The following GEN1 variants were observed in gnomAD, a reference collection of about 807,000 sequenced individuals.
GEN1 encodes the protein GEN1 structure-specific endonuclease, also known as flap endonuclease GEN homolog 1.
In GEN1, 64 loss-of-function variants were observed where a neutral mutation model predicts 67.6. That is an observed-to-expected ratio of 0.95 (90% CI 0.77 to 1.17). GEN1 has a LOEUF of 1.17. Ranked by LOEUF, GEN1 falls within the 50% of genes most tolerant of loss-of-function variation. GEN1 has a pLI of 0.00. For synonymous variants in GEN1, 371 were observed against 359.4 expected (o/e 1.03, Z -0.37); for missense variants, 1,058 against 1,048.3 (o/e 1.01, Z -0.13).
intron 11 of GEN1, among the ~76,000 whole-genome samples, chr2:17,776,399 AGT>A (rs1481711539): frequency 6.6e-6 from 1 of 152,164 alleles, no homozygotes; most frequent in African/African-American, 2.4e-5. Flanking sequence ...AAACTTCCAG[AGT>A]GTGAAAGTTT....
In GEN1 at chr2:17,771,081, C is replaced by A. The variant is rs753512074; in HGVS notation, c.711-115C>A. 4.1e-6 allele frequency: 3 copies of A among 726,144 alleles called. No individual in the cohort carries two copies. The East Asian group carries it at 8.2e-5, about 20-fold the overall frequency. 45.0% of individuals were successfully genotyped at this position (726,144 alleles called of 1,614,324 possible). On this transcript the variant is annotated intron_variant, in intron 6 of 13. Transcript: ENST00000381254. ...CTAGGCCAGCAACTTTATCAGCCACCAAAGGGAAAATAATTAGGTAGGTGA... is the reference window on the plus strand; with the variant it reads ...CTAGGCCAGCAACTTTATCAGCCACAAAAGGGAAAATAATTAGGTAGGTGA...
chr2:17,760,138 A>T (rs755829251), intron 2 of GEN1, 34 bp downstream of exon 2: 142 of 1,574,392 alleles, frequency 9.0e-5, no homozygotes, highest in Non-Finnish European at 1.2e-4. Context: ...TAAATGTATG[A>T]TGTATAAACA....
chr2:17,757,288 A>G (rs1383390454), intron 1 of GEN1, among the ~76,000 whole-genome samples: 2 of 150,648 alleles, frequency 1.3e-5, no homozygotes, highest in African/African-American at 4.9e-5. Flanking sequence ...CCTGTTAATA[A>G]TATATTTAAT....
chr2:17,781,744 G>C lies in GEN1; in HGVS notation c.2532G>C (p.Lys844Asn). 6.2e-7 allele frequency: 1 copy of C among 1,613,558 alleles called. No individual in the cohort carries two copies. The highest frequency in any genetic ancestry group is 8.5e-7 in the Non-Finnish European group (1 of 1,179,740). ...ESGHNKLSSP[K>N]IHIKETEQCV... is the part of the protein sequence containing the mutation. ...GCCATAACAAGTTGAGTAGCCCTAA[G>C]ATACATATTAAAGAAACTGAACAGT... The change falls in exon 14 of 14, where the codon AAG (lysine) becomes AAC (asparagine). Residue 844 changes from lysine (K) to asparagine (N), a missense_variant. By Grantham distance (94) the Lys-to-Asn change is moderately conservative. Coordinates refer to ENST00000381254, the MANE Select transcript of GEN1 (RefSeq NM_001130009.3).
chr2:17,760,182 T>C, intron 2 of GEN1, 78 bp downstream of exon 2: 1 of 1,359,562 alleles, frequency 7.4e-7, no homozygotes, highest in Non-Finnish European at 1.0e-6. Context: ...CACCTTTTTT[T>C]TTCTTTTGTT....
At chr2:17,753,780 G>A (rs941638601), upstream of GEN1, 1 of 152,116 alleles carries the variant, frequency 6.6e-6, no homozygotes, top group Admixed American at 6.5e-5. Context: ...GTAGATTCCC[G>A]GGAGCCCCGG....
intron 6 of GEN1, among the ~76,000 whole-genome samples, chr2:17,770,404 C>G (rs1672125752): frequency 1.3e-5 from 2 of 152,000 alleles, no homozygotes; most frequent in Non-Finnish European, 2.9e-5. Context: ...ATTAGAAATT[C>G]CAGAAGCTAA....
rs1156391451 is a variant in GEN1, at chr2:17,768,776, T to C, written c.675T>C (p.Leu225=). The C allele has an allele frequency of 1.9e-6, 3 of 1,611,590 alleles. No homozygotes were observed. Among genetic ancestry groups the C allele is most frequent in the Non-Finnish European group, 2.5e-6 (3 of 1,178,570 alleles). ...PGVGKEQALK[L]IQILKGQSLL... Reference sequence around the variant, plus strand: ...TTGGAAAAGAGCAAGCATTAAAACTTATACAGATTTTGAAAGGGCAAAGTT... The same window carrying C: ...TTGGAAAAGAGCAAGCATTAAAACTCATACAGATTTTGAAAGGGCAAAGTT... The change falls in exon 6 of 14, where the codon CTT becomes CTC. Residue 225 remains leucine, a synonymous_variant. Transcript: ENST00000381254.
intron 11 of GEN1, among the ~76,000 whole-genome samples, chr2:17,776,092 G>A (rs1386367898): frequency 1.4e-5 from 2 of 141,248 alleles, no homozygotes; most frequent in Non-Finnish European, 3.0e-5. Flanking sequence ...CTCCAAACTT[G>A]GTGACAGAGT....
At chr2:17,766,966 TTA>T in intron 5 of GEN1, among the ~76,000 whole-genome samples, 1 of 152,202 alleles carries the variant, frequency 6.6e-6, no homozygotes, top group Non-Finnish European at 1.5e-5. Flanking sequence ...AGATTCACAT[TTA>T]TGTTTGACTA....
At chr2:17,778,593 A>T (rs2125170619) in intron 12 of GEN1, among the ~76,000 whole-genome samples, 1 of 151,320 alleles carries the variant, frequency 6.6e-6, no homozygotes, top group East Asian at 1.9e-4. Flanking sequence ...ATAAACTTTG[A>T]TTTTATTTTA....
At chr2:17,777,352 C>T (rs937454242) in intron 11 of GEN1, among the ~76,000 whole-genome samples, 2 of 151,942 alleles carry the variant, frequency 1.3e-5, no homozygotes, top group African/African-American at 4.8e-5. Context: ...AGCCAAAACT[C>T]CCAAAGTATG....
chr2:17,761,314 T>C, intron 2 of GEN1, 82 bp from the exon 3 acceptor site: 2 of 711,632 alleles, frequency 2.8e-6, no homozygotes, highest in East Asian at 2.8e-5. Flanking sequence ...ACTAGTCTAA[T>C]GTTCTTGCCT....
intron 1 of GEN1, 109 bp downstream of exon 1, chr2:17,754,454 C>T (rs898311297): frequency 3.2e-4 from 49 of 152,166 alleles, no homozygotes; most frequent in African/African-American, 1.1e-3. Flanking sequence ...TCCGAAAACG[C>T]CTTCAATGAC....
chr2:17,768,713 TA>T, intron 5 of GEN1, 24 bp from the exon 6 acceptor site: 3 of 1,537,276 alleles, frequency 2.0e-6, no homozygotes, highest in African/African-American at 2.7e-5. Flanking sequence ...ACATTGGAAT[TA>T]TTTTTTTTCC....
chr2:17,781,997 C>A lies in GEN1; in HGVS notation c.*58C>A. ...TTAGTACTATCAGCAATAGCAGAGA[C>A]AGAGGGAAGGTATCTAGTTCATGTG... On this transcript the variant is annotated 3_prime_UTR_variant, in exon 14 of 14. Transcript: ENST00000381254. The A allele has an allele frequency of 1.1e-6, 1 of 927,736 alleles. No homozygotes were observed. Among genetic ancestry groups the A allele is most frequent in the Non-Finnish European group, 1.6e-6 (1 of 614,154 alleles). The allele number at this position is 927,736 out of a possible 1,614,324, so 57.5% of individuals were successfully genotyped here. A position where few individuals can be genotyped will look rare whatever the true frequency, so the allele number is the denominator to read the frequency against.
At chr2:17,768,941 G>T in intron 6 of GEN1, 130 bp downstream of exon 6, 1 of 491,594 alleles carries the variant, frequency 2.0e-6, no homozygotes, top group East Asian at 3.4e-5. Context: ...TATTTTGTTT[G>T]ATTTAAGATA....
rs1558409890 is a variant in GEN1 at position 17,778,399 on chromosome 2, T to TACACACAC, written c.1264+337_1264+338insCACACACA. 6.8e-4 allele frequency among the ~76,000 whole-genome samples: 16 copies of TACACACAC among 23,526 alleles called. 3 individuals are homozygous for TACACACAC. The highest frequency in any genetic ancestry group is 1.6e-3 in the African/African-American group (16 of 10,194). 15.4% of individuals were successfully genotyped at this position (23,526 alleles called of 152,430 possible). A position where few individuals can be genotyped will look rare whatever the true frequency, so the allele number is the denominator to read the frequency against. ...ACACATATATGTGTGTACATATATG[T>TACACACAC]ATATACACACATATATGTGTGTACA... On this transcript the variant is annotated intron_variant, in intron 12 of 13. Transcript: ENST00000381254.
chr2:17,771,261 C>T lies in GEN1; in HGVS notation c.776C>T (p.Ala259Val). 6.2e-7 allele frequency: 1 copy of T among 1,607,486 alleles called. No individual in the cohort carries two copies. The highest frequency in any genetic ancestry group is 1.3e-5 in the African/African-American group (1 of 74,848). ...SPQLLVTKKL[A>V]HCSVCSHPGS... ...CAACTGCTAGTCACTAAAAAACTGG[C>T]TCATTGTTCCGTATGTTCCCATCCA... Residue 259 changes from alanine (A) to valine (V), a missense_variant, in exon 7 of 14, where the codon GCT becomes GTT. Transcript: ENST00000381254.
Sources: gnomAD v4.1 joint callset for allele counts (sites outside exome capture counted in the v4.1 genomes callset) on GRCh38, gnomAD v4.1.1 for gene constraint, MANE v1.5 for transcripts, NCBI Gene and HGNC (gene_info 2026-07-23, HGNC 2026-07-21) for gene names.